Variants in HK1 observed in about 807,000 individuals in gnomAD.
HK1 encodes the protein hexokinase 1.
A neutral mutation model predicts 91.6 loss-of-function variants in HK1; 28 were observed. That is an observed-to-expected ratio of 0.31 (90% CI 0.23 to 0.42). The LOEUF (loss-of-function observed/expected upper bound fraction) is 0.42, where lower values mean the gene tolerates loss of function less well. HK1 is among the 10% of genes least tolerant of loss of function. The pLI, the probability that HK1 is intolerant of heterozygous loss-of-function variation, is 1.00. For synonymous variants in HK1, 430 were observed against 468.1 expected (o/e 0.92, Z 1.05); for missense variants, 770 against 1,219.8 (o/e 0.63, Z 5.49).
At chr10:69,301,862 T>C (rs564675660) in intron 5 of HK1, among the ~76,000 whole-genome samples, 2 of 152,234 alleles carry the variant, frequency 1.3e-5, no homozygotes, top group East Asian at 3.9e-4. Context: ...ACAAGCTGCT[T>C]CTAAAATTCA....
rs372291424 is a variant in HK1 at position 69,352,318 on chromosome 10, G to A, written c.227-7579G>A. Among the ~76,000 whole-genome samples, 183 of 152,150 alleles carry A rather than the reference G, an allele frequency of 1.2e-3. 2 individuals are homozygous for A. The South Asian group carries it at 0.037, about 31-fold the overall frequency. On this transcript the variant is annotated intron_variant, in intron 2 of 17. Coordinates refer to ENST00000359426, the MANE Select transcript of HK1 (RefSeq NM_000188.3). ...GAATTCAATTTTTTAACCTAGTGGT[G>A]GTGTAAAGTACTGTTGGAGTTAGGA...
chr10:69,345,548 C>G (rs542871290), intron 2 of HK1, among the ~76,000 whole-genome samples: 1 of 151,798 alleles, frequency 6.6e-6, no homozygotes, highest in Admixed American at 6.6e-5. Flanking sequence ...GAGGAAGGAG[C>G]GGGGAGGGGA....
Position 69,369,654 on chromosome 10 carries a change from A to G in HK1, c.875+30A>G. The G allele has an allele frequency of 6.3e-7, 1 of 1,594,674 alleles. No homozygotes were observed. The highest frequency in any genetic ancestry group is 8.6e-7 in the Non-Finnish European group (1 of 1,165,366). On this transcript the variant is annotated intron_variant, in intron 7 of 17. Coordinates refer to ENST00000359426, the MANE Select transcript of HK1 (RefSeq NM_000188.3). The surrounding 1 kb of genome is among the most constrained non-coding windows in gnomAD (Gnocchi z 4.4). ...GTCCTTGACTTTTGCTTCTAACCAC[A>G]TATGTGAGTTAGGGGACATTTGATG... is the stretch of plus-strand genomic sequence containing the variant.
intron 2 of HK1, among the ~76,000 whole-genome samples, chr10:69,283,798 C>CAAAAAAAAAAAAAAAAA (rs571297748): frequency 1.0e-4 from 7 of 67,564 alleles, no homozygotes; most frequent in Non-Finnish European, 1.3e-4. Flanking sequence ...GACTCTGTCT[C>CAAAAAAAAAAAAAAAAA]AAAAAAAAAA....
chr10:69,366,420 C>T (rs1398344357), intron 4 of HK1, among the ~76,000 whole-genome samples: 1 of 152,132 alleles, frequency 6.6e-6, no homozygotes, highest in Non-Finnish European at 1.5e-5. Flanking sequence ...CTTCCTGTGG[C>T]TGGAACCCTT....
chr10:69,362,361 G>T (rs552468068), intron 3 of HK1, among the ~76,000 whole-genome samples: 13 of 151,838 alleles, frequency 8.6e-5, no homozygotes, highest in Admixed American at 8.5e-4. Context: ...ATAGATGTGA[G>T]CCACTATGCC....
intron 7 of HK1, among the ~76,000 whole-genome samples, chr10:69,376,193 C>T (rs1839095373): frequency 6.6e-6 from 1 of 152,166 alleles, no homozygotes; most frequent in Non-Finnish European, 1.5e-5. Context: ...TTCCTGGCCA[C>T]CTCCTATCCA....
chr10:69,300,255 A>C (rs192513143), intron 4 of HK1, among the ~76,000 whole-genome samples: 269 of 151,910 alleles, frequency 1.8e-3, no homozygotes, highest in Non-Finnish European at 2.7e-3. Flanking sequence ...GACTTCTATC[A>C]CCAGAGCTTT....
intron 2 of HK1, among the ~76,000 whole-genome samples, chr10:69,350,320 A>G (rs952727770): frequency 6.6e-6 from 1 of 152,178 alleles, no homozygotes; most frequent in Non-Finnish European, 1.5e-5. Flanking sequence ...TTATCTAAAG[A>G]GATGCTGGAC....
chr10:69,342,766 T>C (rs1434111426), intron 1 of HK1, among the ~76,000 whole-genome samples: 1 of 152,158 alleles, frequency 6.6e-6, no homozygotes, highest in African/African-American at 2.4e-5. Context: ...AAAGAGTGGA[T>C]GGTGAAACAA....
chr10:69,321,023 C>A (rs968582682), intron 1 of HK1, among the ~76,000 whole-genome samples: 11 of 152,206 alleles, frequency 7.2e-5, no homozygotes, highest in African/African-American at 2.7e-4. Context: ...CCCCGAGAAC[C>A]TTGCTGGAGG....
intron 4 of HK1, 100 bp from the exon 5 acceptor site, chr10:69,368,436 A>T (rs903407232): frequency 9.7e-7 from 1 of 1,030,906 alleles, no homozygotes; most frequent in Non-Finnish European, 1.5e-6. Context: ...CTTGGCCCCT[A>T]TGGGCTTCTG....
chr10:69,311,138 A>G (rs757976136), upstream of HK1, among the ~76,000 whole-genome samples: 3 of 152,104 alleles, frequency 2.0e-5, no homozygotes, highest in Non-Finnish European at 4.4e-5. Context: ...CTTCAGAGAA[A>G]AGATTGTAAA....
chr10:69,306,993 G>A (rs1846138527), intron 5 of HK1, among the ~76,000 whole-genome samples: 1 of 152,178 alleles, frequency 6.6e-6, no homozygotes, highest in African/African-American at 2.4e-5. Flanking sequence ...AATATGTGTT[G>A]GGTGAATAAA....
intron 5 of HK1, among the ~76,000 whole-genome samples, chr10:69,310,707 A>G (rs1846331623): frequency 6.6e-6 from 1 of 152,190 alleles, no homozygotes; most frequent in South Asian, 2.1e-4. Context: ...AAGCAGTCAA[A>G]CTACAAGTTT....
chr10:69,372,417 C>A (rs1171800165), intron 7 of HK1, among the ~76,000 whole-genome samples: 1 of 152,242 alleles, frequency 6.6e-6, no homozygotes, highest in Non-Finnish European at 1.5e-5. Flanking sequence ...GCTGTGCCCC[C>A]AGGCTTCTAT....
chr10:69,324,592 A>AT (rs1224268867), intron 1 of HK1, among the ~76,000 whole-genome samples: 2 of 152,178 alleles, frequency 1.3e-5, no homozygotes, highest in Non-Finnish European at 2.9e-5. Flanking sequence ...AAAAATAATA[A>AT]TTAAAAAAAA....
intron 2 of HK1, among the ~76,000 whole-genome samples, chr10:69,286,223 T>G (rs551074287): frequency 6.6e-6 from 1 of 152,276 alleles, no homozygotes; most frequent in South Asian, 2.1e-4. Flanking sequence ...TATAGCTGAG[T>G]ACAGTGGCTG....
chr10:69,304,266 T>A (rs1257891206), intron 5 of HK1, among the ~76,000 whole-genome samples: 1 of 149,008 alleles, frequency 6.7e-6, no homozygotes, highest in East Asian at 2.0e-4. Flanking sequence ...TTGTTGTATT[T>A]TTATTTTTAT....
Sources: gnomAD v4.1 joint callset for allele counts (sites outside exome capture counted in the v4.1 genomes callset) on GRCh38, gnomAD v4.1.1 for gene constraint, Gnocchi (gnomAD v3.1) non-coding constraint, MANE v1.5 for transcripts, NCBI Gene and HGNC (gene_info 2026-07-23, HGNC 2026-07-21) for gene names.